The following NDRG2 variants were observed in gnomAD, a reference collection of about 807,000 sequenced individuals.
NDRG2 encodes NDRG family member 2.
In NDRG2, 34 loss-of-function variants were observed where a neutral mutation model predicts 58.2. The observed-to-expected ratio is 0.58, with a 90% CI of 0.44 to 0.78. NDRG2 has a LOEUF of 0.78. Ranked by LOEUF, NDRG2 falls within the 30% of genes least tolerant of loss-of-function variation. The pLI, the probability that NDRG2 is intolerant of heterozygous loss-of-function variation, is 0.00. For missense variants in NDRG2, 434 were observed against 471.2 expected (o/e 0.92, Z 0.73); for synonymous variants, 187 against 175.9 (o/e 1.06, Z -0.50).
Position 21,070,441 on chromosome 14 carries a change from G to T in NDRG2, c.24+387C>A, listed in dbSNP as rs758108745. The T allele has an allele frequency of 3.7e-5, 51 of 1,370,498 alleles. No individual in the cohort carries two copies. In the Admixed American group the frequency reaches 8.9e-4, roughly 24 times the overall value. 84.9% of individuals were successfully genotyped at this position (1,370,498 alleles called of 1,614,324 possible). On this transcript the variant is annotated intron_variant, in intron 1 of 14. Transcript: ENST00000403829. This position sits in a 1 kb window ranked among gnomAD's most constrained non-coding sequence, Gnocchi z 4.7. ...AGCCCCCTGGGTCCCCTCGGCCTTC[G>T]CGCAGCCCGCTCCGGGCCCCCAAGT...
intron 1 of NDRG2, among the ~76,000 whole-genome samples, chr14:21,055,327 C>T (rs975885925): frequency 6.6e-6 from 1 of 152,158 alleles, no homozygotes; most frequent in African/African-American, 2.4e-5. Flanking sequence ...CAACTTCATG[C>T]TACTTTAGTA....
Position 21,019,158 on chromosome 14 carries a change from C to A in NDRG2, c.719G>T (p.Arg240Leu), listed in dbSNP as rs748565093. ...TCCACGCTCAAAGTTCAGGTCTCGG[C>A]GGCTAGAAAGGGGTTAAAAGAGTAG... ...IELYWNSYNNRRDLNFERGGD... is the reference protein window; with the variant it reads ...IELYWNSYNNLRDLNFERGGD... The change falls in exon 11 of 16, where the codon CGC (arginine) becomes CTC (leucine). Residue 240 changes from arginine (R) to leucine (L), a missense_variant and splice_region_variant. By Grantham distance (102) the Arg-to-Leu change is moderately radical (BLOSUM62 -2). Coordinates refer to ENST00000556147, the MANE Select transcript of NDRG2 (RefSeq NM_001320329.2). 9.9e-6 allele frequency: 16 copies of A among 1,610,970 alleles called. No individual in the cohort carries two copies. Among genetic ancestry groups the A allele is most frequent in the Non-Finnish European group, 1.3e-5 (15 of 1,178,988 alleles).
intron 1 of NDRG2, among the ~76,000 whole-genome samples, chr14:21,068,879 G>A (rs1210950597): frequency 6.6e-6 from 1 of 152,242 alleles, no homozygotes; most frequent in Non-Finnish European, 1.5e-5. Context: ...GAAAAAGGTG[G>A]AGGTTAGCGT....
rs774590472 is a variant in NDRG2 at position 21,070,346 on chromosome 14, G to A, written c.24+482C>T. 2.7e-5 allele frequency: 38 copies of A among 1,401,024 alleles called. No individual in the cohort carries two copies. The South Asian group carries it at 5.5e-4, about 20-fold the overall frequency. The allele number at this position is 1,401,024 out of a possible 1,614,324, so 86.8% of individuals were successfully genotyped here. On this transcript the variant is annotated intron_variant, in intron 1 of 14. Coordinates refer to the NDRG2 transcript ENST00000403829. The surrounding 1 kb of genome is among the most constrained non-coding windows in gnomAD (Gnocchi z 4.7). ...AGCGGCGGGAGGGAGGCGGTGGCGC[G>A]CCCGGCCCCGCCCGCCCGACCAAGC...
chr14:21,025,138 C>T (rs1051237613), upstream of NDRG2: 3 of 974,384 alleles, frequency 3.1e-6, no homozygotes, highest in Non-Finnish European at 3.7e-6. The surrounding 1 kb of genome is among the most constrained non-coding windows in gnomAD (Gnocchi z 5.1). Flanking sequence ...CCCACGGGCG[C>T]TAGGCTCCCC....
chr14:21,062,206 T>C (rs1394311487), intron 1 of NDRG2, among the ~76,000 whole-genome samples: 1 of 152,250 alleles, frequency 6.6e-6, no homozygotes, highest in East Asian at 1.9e-4. Context: ...TTTTAAAAAC[T>C]CACATTGACA....
At chr14:21,055,182 G>A (rs1885620658) in intron 1 of NDRG2, among the ~76,000 whole-genome samples, 1 of 152,194 alleles carries the variant, frequency 6.6e-6, no homozygotes, top group Admixed American at 6.5e-5. Flanking sequence ...CAAGTAAGTT[G>A]TGACTGGCAC....
At chr14:21,018,431 C>T (rs74036552) in intron 13 of NDRG2, 26 bp downstream of exon 13, 33,629 of 1,612,746 alleles carry the variant, frequency 0.021, 963 homozygotes, top group East Asian at 0.15. Context: ...TGACTGTGGA[C>T]GGGGGCCCAG....
upstream of NDRG2, among the ~76,000 whole-genome samples, chr14:21,027,784 A>C (rs1213658236): frequency 6.6e-6 from 1 of 152,234 alleles, no homozygotes; most frequent in Non-Finnish European, 1.5e-5. Context: ...TCTAGAAATC[A>C]TTATCTTACT....
intron 1 of NDRG2, among the ~76,000 whole-genome samples, chr14:21,067,049 G>T (rs1223827613): frequency 2.0e-5 from 3 of 152,148 alleles, no homozygotes; most frequent in Non-Finnish European, 2.9e-5. Context: ...CACAGCCCTA[G>T]TCACTGCTAC....
rs1886595453 is a variant in NDRG2, at chr14:21,070,282, C to T, written c.24+546G>A. 4.5e-6 allele frequency: 5 copies of T among 1,123,240 alleles called. No homozygotes were observed. The South Asian group carries it at 1.2e-4, about 28-fold the overall frequency. 69.6% of individuals were successfully genotyped at this position (1,123,240 alleles called of 1,614,324 possible). On this transcript the variant is annotated intron_variant, in intron 1 of 14. Transcript: ENST00000403829. This position sits in a 1 kb window ranked among gnomAD's most constrained non-coding sequence, Gnocchi z 4.7. ...GCCGGAGCGGGCCGAGCCGCCACCG[C>T]GGCCGGAGCTGTCCCTTAGCCAGAC...
chr14:21,019,894 C>A (rs371570363), intron 9 of NDRG2, 26 bp downstream of exon 9: 40 of 1,613,052 alleles, frequency 2.5e-5, no homozygotes, highest in Non-Finnish European at 3.3e-5. Flanking sequence ...CCCGTCGACT[C>A]TTCTACATCT....
At chr14:21,041,741 G>T (rs1884905319) in intron 1 of NDRG2, among the ~76,000 whole-genome samples, 1 of 152,234 alleles carries the variant, frequency 6.6e-6, no homozygotes, top group Admixed American at 6.5e-5. Context: ...GGTGTTGGCT[G>T]CCTTCTCCAG....
rs1878988404 is a variant in NDRG2, at chr14:21,019,673, C to A, written c.682G>T (p.Asp228Tyr). Residue 228 changes from aspartate to tyrosine, a missense_variant, in exon 10 of 16, where the codon GAT (aspartate) becomes TAT (tyrosine). Physicochemically the swap from Asp to Tyr is radical, Grantham distance 160. Transcript: ENST00000556147. ...RNIITHAPNL[D>Y]NIELYWNSYN... is the part of the protein sequence containing the mutation. ...CTGTTCCAGTACAATTCAATGTTAT[C>A]CAGGTTGGGTGCATGTGTAATGATA... The A allele has an allele frequency of 6.2e-7, 1 of 1,613,670 alleles. No individual in the cohort carries two copies. Among genetic ancestry groups the A allele is most frequent in the Non-Finnish European group, 8.5e-7 (1 of 1,179,622 alleles).
chr14:21,051,350 T>G (rs529685996), intron 1 of NDRG2, among the ~76,000 whole-genome samples: 1 of 152,222 alleles, frequency 6.6e-6, no homozygotes, highest in Non-Finnish European at 1.5e-5. Context: ...CAGTAAATGT[T>G]AACTATGATT....
At chr14:21,023,722 A>G (rs543766950) in intron 1 of NDRG2, 14 of 186,184 alleles carry the variant, frequency 7.5e-5, no homozygotes, top group Non-Finnish European at 1.4e-4. Flanking sequence ...TGAGTATTCT[A>G]AAGGACAGGG....
intron 1 of NDRG2, among the ~76,000 whole-genome samples, chr14:21,039,559 A>G (rs1884798141): frequency 6.6e-6 from 1 of 152,194 alleles, no homozygotes; most frequent in Non-Finnish European, 1.5e-5. Context: ...TTGCCCCATG[A>G]ATGCAGTGAA....
chr14:21,068,626 A>G, intron 1 of NDRG2, among the ~76,000 whole-genome samples: 1 of 152,130 alleles, frequency 6.6e-6, no homozygotes, highest in South Asian at 2.1e-4. Context: ...AGGGGGTAGC[A>G]AAATCTCACT....
chr14:21,034,399 A>C (rs1594485399), intron 1 of NDRG2: 2 of 773,186 alleles, frequency 2.6e-6, no homozygotes, highest in African/African-American at 3.5e-5. Context: ...TTTAGAGATC[A>C]TCTCACCCAT....
Sources: gnomAD v4.1 joint callset for allele counts (sites outside exome capture counted in the v4.1 genomes callset) on GRCh38, gnomAD v4.1.1 for gene constraint, Gnocchi (gnomAD v3.1) non-coding constraint, MANE v1.5 for transcripts, NCBI Gene and HGNC (gene_info 2026-07-23, HGNC 2026-07-21) for gene names.